GPC6: variants seen among roughly 807,000 people sequenced by gnomAD.
The protein encoded by GPC6 is glypican-6.
Under a neutral mutation model 55.2 loss-of-function variants are expected in GPC6, and 14 were observed. That is an observed-to-expected ratio of 0.25 (90% confidence interval 0.17 to 0.40). The LOEUF is 0.40. GPC6 is among the 10% of genes least tolerant of loss of function. GPC6 has a pLI of 1.00. For missense variants in GPC6, 641 were observed against 708.5 expected (o/e 0.90, Z 1.08); for synonymous variants, 278 against 259.6 (o/e 1.07, Z -0.68).
intron 4 of GPC6, among the ~76,000 whole-genome samples, chr13:94,173,243 G>A (rs993528808): frequency 1.3e-5 from 2 of 152,246 alleles, no homozygotes; most frequent in South Asian, 2.1e-4. Flanking sequence ...ATAAAGAATG[G>A]CACAAGAAAT....
rs74109183 is a variant in GPC6, at chr13:93,997,604, T to C, written c.712-30125T>C. On this transcript the variant is annotated intron_variant, in intron 3 of 8. Coordinates refer to ENST00000377047, the MANE Select transcript of GPC6 (RefSeq NM_005708.5). ...ATATGTGTGTGTGTGTGTGTGTGTG[T>C]GTGCATGCACGCTTGTGTATAAAAC... Among the ~76,000 whole-genome samples the C allele has an allele frequency of 6.5e-3, 977 of 150,882 alleles. 13 individuals carry two copies. Among genetic ancestry groups the C allele is most frequent in the African/African-American group, 0.023 (928 of 40,926 alleles).
intron 1 of GPC6, among the ~76,000 whole-genome samples, chr13:93,456,930 A>G (rs940751968): frequency 2.0e-5 from 3 of 152,076 alleles, no homozygotes; most frequent in African/African-American, 7.2e-5. Flanking sequence ...GATCAGGTGG[A>G]AATAATTGAA....
intron 2 of GPC6, among the ~76,000 whole-genome samples, chr13:93,592,360 A>AT (rs1566439978): frequency 9.0e-5 from 13 of 144,884 alleles, no homozygotes; most frequent in Admixed American, 7.0e-5. Flanking sequence ...ATATATGTAA[A>AT]ATATATATAT....
At chr13:93,782,160 G>A (rs999426570) in intron 2 of GPC6, among the ~76,000 whole-genome samples, 2 of 152,068 alleles carry the variant, frequency 1.3e-5, no homozygotes, top group Non-Finnish European at 2.9e-5. Flanking sequence ...TAGATTCCAT[G>A]TATGTGTGAG....
chr13:93,685,795 A>T (rs946463405), intron 2 of GPC6, among the ~76,000 whole-genome samples: 2 of 152,198 alleles, frequency 1.3e-5, no homozygotes, highest in Non-Finnish European at 2.9e-5. Flanking sequence ...GTTATATTTT[A>T]TGAAAAATAT....
At chr13:93,332,626 G>T in intron 1 of GPC6, among the ~76,000 whole-genome samples, 1 of 151,968 alleles carries the variant, frequency 6.6e-6, no homozygotes, top group East Asian at 1.9e-4. Flanking sequence ...TTGTCAAATG[G>T]ATAGTTTGCA....
chr13:93,232,422 G>T (rs1172184078), intron 1 of GPC6, among the ~76,000 whole-genome samples: 1 of 152,136 alleles, frequency 6.6e-6, no homozygotes, highest in Non-Finnish European at 1.5e-5. Context: ...CAATCTAAAA[G>T]TTGGGCTATT....
At chr13:94,230,846 A>G (rs1203290102) in intron 4 of GPC6, among the ~76,000 whole-genome samples, 1 of 152,214 alleles carries the variant, frequency 6.6e-6, no homozygotes, top group Admixed American at 6.5e-5. Flanking sequence ...ACTCTGTGCC[A>G]GACATCATAA....
intron 2 of GPC6, among the ~76,000 whole-genome samples, chr13:93,731,868 A>ACC (rs1883835071): frequency 6.6e-6 from 1 of 152,126 alleles, no homozygotes; most frequent in Middle Eastern, 3.2e-3. Flanking sequence ...AATCTAACTA[A>ACC]TTTGAGAAAA....
intron 1 of GPC6, among the ~76,000 whole-genome samples, chr13:93,351,636 A>G (rs939592376): frequency 6.6e-5 from 10 of 152,190 alleles, no homozygotes; most frequent in African/African-American, 2.4e-4. Flanking sequence ...GAGATGATTG[A>G]TATGCTAATT....
At position 94,098,879 on chromosome 13, in the gene GPC6, A is replaced by AT. The variant is rs200547937; in HGVS notation, c.877+70991dup. On this transcript the variant is annotated intron_variant, in intron 4 of 8. Coordinates refer to ENST00000377047, the MANE Select transcript of GPC6 (RefSeq NM_005708.5). Reference sequence around the variant, plus strand: ...GCACTGATTTGGGATTACATCTGCAATTTTTTGCTCAATATAGTCAGTATG... The same window carrying AT: ...GCACTGATTTGGGATTACATCTGCAATTTTTTTGCTCAATATAGTCAGTATG... Among the ~76,000 whole-genome samples the AT allele has an allele frequency of 4.6e-5, 7 of 152,218 alleles. No homozygotes were observed. In the East Asian group the frequency reaches 1.2e-3, roughly 25 times the overall value.
At chr13:93,734,804 AC>A (rs760661603) in intron 2 of GPC6, among the ~76,000 whole-genome samples, 2 of 152,148 alleles carry the variant, frequency 1.3e-5, no homozygotes, top group African/African-American at 2.4e-5. Flanking sequence ...CCTGTGGAAA[AC>A]AAACAACAAA....
intron 4 of GPC6, among the ~76,000 whole-genome samples, chr13:94,148,675 GTTATTA>G (rs540729141): frequency 2.6e-5 from 4 of 151,708 alleles, no homozygotes; most frequent in South Asian, 2.1e-4. Context: ...TTTTTCAAAT[GTTATTA>G]TTATTATTAT....
intron 4 of GPC6, among the ~76,000 whole-genome samples, chr13:94,207,433 A>T (rs994467833): frequency 3.3e-5 from 5 of 152,332 alleles, no homozygotes; most frequent in African/African-American, 1.2e-4. Flanking sequence ...TGAGGTTCAT[A>T]GGCTGTTAAG....
intron 2 of GPC6, among the ~76,000 whole-genome samples, chr13:93,716,746 A>G (rs1883265452): frequency 2.0e-5 from 3 of 151,630 alleles, no homozygotes; most frequent in African/African-American, 7.3e-5. Context: ...TTTATAGTTT[A>G]CAGTAGTGTA....
At chr13:94,390,245 A>G (rs749770832) in intron 7 of GPC6, among the ~76,000 whole-genome samples, 4 of 152,180 alleles carry the variant, frequency 2.6e-5, no homozygotes, top group Non-Finnish European at 5.9e-5. Context: ...TGAGGACAAT[A>G]TTGTTTTAAC....
At chr13:93,640,765 TCCCC>T (rs1879889047) in intron 2 of GPC6, among the ~76,000 whole-genome samples, 1 of 7,166 alleles carries the variant, frequency 1.4e-4, no homozygotes, top group African/African-American at 3.8e-4. Flanking sequence ...CCCTCCCTCC[TCCCC>T]ACTTTCCTTC....
At chr13:93,377,750 T>C (rs944436839) in intron 1 of GPC6, among the ~76,000 whole-genome samples, 2 of 152,220 alleles carry the variant, frequency 1.3e-5, no homozygotes, top group Admixed American at 1.3e-4. Flanking sequence ...ACCAATCTTC[T>C]ATTTAAAATA....
At chr13:94,172,212 CAAGT>C (rs748094774) in intron 4 of GPC6, among the ~76,000 whole-genome samples, 49 of 151,774 alleles carry the variant, frequency 3.2e-4, no homozygotes, top group Middle Eastern at 3.4e-3. Context: ...ACAAAAAAAA[CAAGT>C]AAGATATCAC....
Sources: gnomAD v4.1 joint callset for allele counts (sites outside exome capture counted in the v4.1 genomes callset) on GRCh38, gnomAD v4.1.1 for gene constraint, MANE v1.5 for transcripts, NCBI Gene and HGNC (gene_info 2026-07-23, HGNC 2026-07-21) for gene names.